RUNX1: variants seen among roughly 807,000 people sequenced by gnomAD.
RUNX1 encodes the protein runt-related transcription factor 1.
Under a neutral mutation model 42.8 loss-of-function variants are expected in RUNX1, and 19 were observed. The ratio of observed to expected loss-of-function variants is 0.44; its 90% CI spans 0.31 to 0.65. The LOEUF is 0.65. Among genes scored for constraint, RUNX1 ranks in the 30% least tolerant of loss-of-function variants. The pLI is 0.07. For synonymous variants in RUNX1, 271 were observed against 289.4 expected (o/e 0.94, Z 0.64); for missense variants, 528 against 672.0 (o/e 0.79, Z 2.37).
intron 3 of RUNX1, chr21:34,888,780 G>A (rs2058036243): frequency 5.1e-6 from 4 of 781,998 alleles, no homozygotes; most frequent in Non-Finnish European, 6.3e-6. Flanking sequence ...GGGGCGGCCG[G>A]CGGCCAATCA....
At chr21:34,957,974 TA>T (rs1411585064) in intron 2 of RUNX1, among the ~76,000 whole-genome samples, 2 of 152,220 alleles carry the variant, frequency 1.3e-5, no homozygotes, top group East Asian at 3.8e-4. Context: ...GGTTTGTTTG[TA>T]CAAGTCTCCC....
At chr21:34,973,841 C>T (rs1330959440) in intron 2 of RUNX1, among the ~76,000 whole-genome samples, 1 of 152,202 alleles carries the variant, frequency 6.6e-6, no homozygotes, top group Non-Finnish European at 1.5e-5. Context: ...CACTACAAGT[C>T]TCCAGGGAGA....
chr21:34,847,986 T>C (rs745731535), intron 6 of RUNX1, among the ~76,000 whole-genome samples: 16 of 152,170 alleles, frequency 1.1e-4, no homozygotes, highest in Non-Finnish European at 2.4e-4. Context: ...TGAACAGAAT[T>C]CCATTTGTTT....
intron 1 of RUNX1, 98 bp downstream of exon 1, chr21:35,049,069 TA>T (rs1337737797): frequency 9.6e-6 from 6 of 627,916 alleles, no homozygotes; most frequent in Non-Finnish European, 1.7e-5. Context: ...CAAGCCCTAT[TA>T]AAAAATGCAC....
intron 2 of RUNX1, among the ~76,000 whole-genome samples, chr21:34,932,605 A>G (rs924958245): frequency 1.7e-4 from 26 of 152,224 alleles, no homozygotes; most frequent in African/African-American, 6.3e-4. Context: ...ACAATGTATC[A>G]TTGAATCTTT....
intron 2 of RUNX1, among the ~76,000 whole-genome samples, chr21:34,925,436 C>G (rs2058385790): frequency 6.6e-6 from 1 of 152,096 alleles, no homozygotes; most frequent in Middle Eastern, 3.2e-3. Context: ...GACTGGTGTT[C>G]TCATAAGAAG....
At chr21:34,980,507 C>T (rs577826794) in intron 2 of RUNX1, among the ~76,000 whole-genome samples, 9 of 152,188 alleles carry the variant, frequency 5.9e-5, no homozygotes, top group African/African-American at 9.7e-5. Context: ...TCTTTATTCC[C>T]GTCTCATAGG....
At chr21:34,900,459 C>T (rs1411439384) in intron 2 of RUNX1, among the ~76,000 whole-genome samples, 1 of 152,176 alleles carries the variant, frequency 6.6e-6, no homozygotes, top group Non-Finnish European at 1.5e-5. Context: ...CTAAATAGTG[C>T]ATCTTACTTG....
intron 2 of RUNX1, among the ~76,000 whole-genome samples, chr21:34,945,418 C>G (rs1459404237): frequency 6.6e-6 from 1 of 152,170 alleles, no homozygotes; most frequent in Non-Finnish European, 1.5e-5. Flanking sequence ...ACATTTTCCC[C>G]TACCAACTCC....
At chr21:34,965,649 A>G (rs1031170301) in intron 2 of RUNX1, among the ~76,000 whole-genome samples, 1 of 152,034 alleles carries the variant, frequency 6.6e-6, no homozygotes, top group Admixed American at 6.5e-5. Context: ...GTGGAGCCCC[A>G]TTTCCTCCCT....
intron 2 of RUNX1, among the ~76,000 whole-genome samples, chr21:34,950,549 G>C (rs552242339): frequency 6.6e-6 from 1 of 152,258 alleles, no homozygotes; most frequent in African/African-American, 2.4e-5. Flanking sequence ...GACCAGCCCG[G>C]CCAACACGGC....
intron 2 of RUNX1, among the ~76,000 whole-genome samples, chr21:34,984,877 T>C (rs1322023730): frequency 6.6e-6 from 1 of 152,190 alleles, no homozygotes; most frequent in Non-Finnish European, 1.5e-5. Context: ...TCCATAGAAC[T>C]CATTTCTCTT....
chr21:35,025,637 G>A (rs541429711), intron 2 of RUNX1, among the ~76,000 whole-genome samples: 25 of 152,210 alleles, frequency 1.6e-4, no homozygotes, highest in Admixed American at 5.2e-4. Context: ...AAATATACGG[G>A]TCTCTATATT....
chr21:34,884,408 T>C (rs1350395726), intron 4 of RUNX1, among the ~76,000 whole-genome samples: 2 of 152,222 alleles, frequency 1.3e-5, no homozygotes, highest in Non-Finnish European at 2.9e-5. Context: ...TCAGGCCTTA[T>C]CATTGTTTCA....
chr21:34,861,605 C>T (rs776617992), intron 5 of RUNX1, among the ~76,000 whole-genome samples: 1 of 152,072 alleles, frequency 6.6e-6, no homozygotes, highest in Non-Finnish European at 1.5e-5. Flanking sequence ...TCTCACTCAC[C>T]CCCTCTCCTC....
In RUNX1 at chr21:34,843,638, C is replaced by G. The variant is rs925006500; in HGVS notation, c.614-9037G>C. ...GCCAAGGCAAGATCAACAACCAATA[C>G]AACTTCAAGCCAGAGACGCACACAG... On this transcript the variant is annotated intron_variant, in intron 6 of 8. Coordinates refer to ENST00000675419, the MANE Select transcript of RUNX1 (RefSeq NM_001754.5). This position sits in a 1 kb window ranked among gnomAD's most constrained non-coding sequence, Gnocchi z 4.8. Among the ~76,000 whole-genome samples the G allele has an allele frequency of 6.6e-6, 1 of 152,108 alleles. No homozygotes were observed.
At chr21:34,865,359 C>T (rs11700925) in intron 5 of RUNX1, among the ~76,000 whole-genome samples, 34,321 of 150,232 alleles carry the variant, frequency 0.23, 4,174 homozygotes, top group Non-Finnish European at 0.26. Flanking sequence ...CAGGCCTAAA[C>T]GCAACTTGAA....
chr21:34,998,117 T>C (rs1417503360), intron 2 of RUNX1, among the ~76,000 whole-genome samples: 2 of 152,202 alleles, frequency 1.3e-5, no homozygotes, highest in Non-Finnish European at 2.9e-5. Context: ...GTTTCTCTTT[T>C]AAACTTTGAG....
intron 8 of RUNX1, chr21:34,798,167 T>C (rs765598393): frequency 1.6e-4 from 75 of 455,592 alleles, no homozygotes; most frequent in Non-Finnish European, 3.0e-4. Flanking sequence ...CCCCCTAATC[T>C]GCTATAATTT....
Sources: allele counts gnomAD v4.1 joint callset (sites outside exome capture counted in the v4.1 genomes callset), GRCh38; gene constraint gnomAD v4.1.1; non-coding constraint Gnocchi (gnomAD v3.1); transcripts MANE v1.5; gene names NCBI Gene and HGNC (gene_info 2026-07-23, HGNC 2026-07-21).